SLC16A5: variants seen among roughly 807,000 people sequenced by gnomAD.
SLC16A5 encodes monocarboxylate transporter 6.
SLC16A5 carries 29 observed loss-of-function variants against 33.2 expected under a neutral mutation model. The observed-to-expected ratio is 0.87, with a 90% CI of 0.65 to 1.19. The LOEUF (loss-of-function observed/expected upper bound fraction) is 1.19, where lower values mean the gene tolerates loss of function less well. Ranked by LOEUF, SLC16A5 falls within the 50% of genes most tolerant of loss-of-function variation. SLC16A5 has a pLI of 0.00. For missense variants in SLC16A5, 606 were observed against 678.2 expected (o/e 0.89, Z 1.18); for synonymous variants, 248 against 284.1 (o/e 0.87, Z 1.28).
In SLC16A5 at chr17:75,100,473, G is replaced by T. The variant is rs772452657; in HGVS notation, c.810G>T (p.Glu270Asp). ...VPYAMWHSVD[E>D]QQAALLISII... is the part of the protein sequence containing the mutation. ...ATGCCATGTGGCACAGCGTGGACGA[G>T]CAGCAGGCAGCCCTCCTCATCTCCA... is the stretch of plus-strand genomic sequence containing the variant. The change falls in exon 5 of 7, where the codon GAG (glutamate) becomes GAT (aspartate). Residue 270 changes from glutamate to aspartate, a missense_variant. Physicochemically the swap from Glu to Asp is conservative, Grantham distance 45. Coordinates refer to ENST00000329783, the MANE Select transcript of SLC16A5 (RefSeq NM_004695.4). 5 of 1,614,220 alleles carry T rather than the reference G, an allele frequency of 3.1e-6. No homozygotes were observed. The highest frequency in any genetic ancestry group is 3.3e-5 in the Admixed American group (2 of 60,022).
At chr17:75,102,847 C>T (rs2073817201) in intron 5 of SLC16A5, among the ~76,000 whole-genome samples, 2 of 151,976 alleles carry the variant, frequency 1.3e-5, no homozygotes, top group Admixed American at 1.3e-4. Flanking sequence ...ATTTTCCTGC[C>T]TCCTCTTCCC....
At chr17:75,096,326 G>A (rs2073717478) in intron 3 of SLC16A5, among the ~76,000 whole-genome samples, 1 of 151,044 alleles carries the variant, frequency 6.6e-6, no homozygotes, top group African/African-American at 2.5e-5. Flanking sequence ...CTGCAGCCCA[G>A]TCCCCACCCC....
At chr17:75,101,025 G>C (rs1430884389) in intron 5 of SLC16A5, among the ~76,000 whole-genome samples, 1 of 152,088 alleles carries the variant, frequency 6.6e-6, no homozygotes, top group Non-Finnish European at 1.5e-5. Flanking sequence ...GGGGCGGGCA[G>C]ATCATGAGGT....
chr17:75,103,037 C>T (rs1330445402), intron 5 of SLC16A5, among the ~76,000 whole-genome samples: 7 of 152,080 alleles, frequency 4.6e-5, no homozygotes, highest in African/African-American at 9.7e-5. Context: ...ACTACAGGTG[C>T]GTGCCACCAC....
In SLC16A5 at chr17:75,100,723, A is replaced by G. The variant is rs1271337016; in HGVS notation, c.1060A>G (p.Met354Val). 1.9e-6 allele frequency: 3 copies of G among 1,614,004 alleles called. No individual in the cohort carries two copies. The highest frequency in any genetic ancestry group is 2.5e-6 in the Non-Finnish European group (3 of 1,179,920). The change falls in exon 5 of 7, where the codon ATG becomes GTG. Residue 354 changes from methionine (M) to valine (V), a missense_variant. By Grantham distance (21) the Met-to-Val change is conservative. Coordinates refer to ENST00000329783, the MANE Select transcript of SLC16A5 (RefSeq NM_004695.4). ...GIGALIFQVL[M>V]DIVPMDQFPR... is the part of the protein sequence containing the mutation. ...CGGCGCCCTCATCTTCCAGGTTCTC[A>G]TGGACATCGTCCCCATGGATCAGTT...
Position 75,095,252 on chromosome 17 carries a change from G to A in SLC16A5, c.199+1417G>A, listed in dbSNP as rs1432875692. On this transcript the variant is annotated intron_variant, in intron 3 of 6. Coordinates refer to ENST00000329783, the MANE Select transcript of SLC16A5 (RefSeq NM_004695.4). ...CTCTGGCCTGCAGGGTTGGGGCAGGGAGTGGGAATCCCAGAGGGCTGCTTC... is the reference window on the plus strand; with the variant it reads ...CTCTGGCCTGCAGGGTTGGGGCAGGAAGTGGGAATCCCAGAGGGCTGCTTC... 1.4e-4 allele frequency among the ~76,000 whole-genome samples: 22 copies of A among 152,316 alleles called. 1 individual carries two copies. The highest frequency in any genetic ancestry group is 3.4e-3 in the Middle Eastern group (1 of 294).
Position 75,100,365 on chromosome 17 carries a change from C to A in SLC16A5, c.702C>A (p.His234Gln). Residue 234 changes from histidine (H) to glutamine (Q), a missense_variant, in exon 5 of 7, where the codon CAC (histidine) becomes CAA (glutamine). Coordinates refer to ENST00000329783, the MANE Select transcript of SLC16A5 (RefSeq NM_004695.4). Reference sequence around the variant, plus strand: ...ACCTGGCCTTCGACATCCTGCGGCACAACACAGGCTACTGCGTGTACATAC... The same window carrying A: ...ACCTGGCCTTCGACATCCTGCGGCAAAACACAGGCTACTGCGTGTACATAC... ...QRHLAFDILRHNTGYCVYILG... is the reference protein window; with the variant it reads ...QRHLAFDILRQNTGYCVYILG... 1 of 1,614,220 alleles carries A rather than the reference C, an allele frequency of 6.2e-7. No individual in the cohort carries two copies. The highest frequency in any genetic ancestry group is 8.5e-7 in the Non-Finnish European group (1 of 1,180,044).
At chr17:75,105,744 GGAGT>G (rs1181147449) in intron 6 of SLC16A5, 132 bp from the exon 7 acceptor site, 1 of 1,410,328 alleles carries the variant, frequency 7.1e-7, no homozygotes, top group Admixed American at 3.0e-5. Flanking sequence ...AAACAGAGCT[GGAGT>G]ACGTTTCCCC....
chr17:75,098,629 GTTT>G (rs2073750962), intron 4 of SLC16A5, among the ~76,000 whole-genome samples: 1 of 152,138 alleles, frequency 6.6e-6, no homozygotes, highest in Non-Finnish European at 1.5e-5. Flanking sequence ...ACGGCATTTT[GTTT>G]TAAGGGGACT....
intron 4 of SLC16A5, 107 bp downstream of exon 4, chr17:75,098,288 T>G (rs1598151035): frequency 6.9e-7 from 1 of 1,448,926 alleles, no homozygotes; most frequent in South Asian, 1.2e-5. Flanking sequence ...GCTGGCTGGG[T>G]GCGGTGGCTC....
rs759812192 is a variant in SLC16A5, at chr17:75,100,444, C to A, written c.781C>A (p.Pro261Thr). 2 of 1,614,264 alleles carry A rather than the reference C, an allele frequency of 1.2e-6. No individual in the cohort carries two copies. Among genetic ancestry groups the A allele is most frequent in the Non-Finnish European group, 1.7e-6 (2 of 1,180,052 alleles). Residue 261 changes from proline to threonine, a missense_variant, in exon 5 of 7, where the codon CCA (proline) becomes ACA (threonine). Coordinates refer to ENST00000329783, the MANE Select transcript of SLC16A5 (RefSeq NM_004695.4). ...CCCACTGCCACAAGTCTTCCTGGTG[C>A]CATATGCCATGTGGCACAGCGTGGA... ...GFPLPQVFLV[P>T]YAMWHSVDEQ...
chr17:75,103,304 G>C (rs1318749872), intron 5 of SLC16A5, among the ~76,000 whole-genome samples: 2 of 150,692 alleles, frequency 1.3e-5, no homozygotes, highest in Non-Finnish European at 2.9e-5. Flanking sequence ...GATTACAGGC[G>C]TGAGCCACTG....
chr17:75,104,249 G>A (rs1205058224), intron 6 of SLC16A5, 69 bp downstream of exon 6: 1 of 1,572,642 alleles, frequency 6.4e-7, no homozygotes, highest in Admixed American at 1.9e-5. Flanking sequence ...GGATCACTGA[G>A]TGAACACTGT....
At chr17:75,104,258 G>T (rs916437310) in intron 6 of SLC16A5, 78 bp downstream of exon 6, 3 of 1,559,902 alleles carry the variant, frequency 1.9e-6, no homozygotes, top group Admixed American at 1.9e-5. Context: ...AGTGAACACT[G>T]TCTCAGCCCA....
rs1302470062 is a variant in SLC16A5 at position 75,100,133 on chromosome 17, T to C, written c.470T>C (p.Leu157Pro). ...TCCCTGGGCATCACCCTCTGGCCGC[T>C]GCTCTCCCGCTACCTTCTGGAGAAC... ...GVSLGITLWP[L>P]LSRYLLENLG... is the part of the protein sequence containing the mutation. Residue 157 changes from leucine (L) to proline (P), a missense_variant, in exon 5 of 7, where the codon CTG (leucine) becomes CCG (proline). Coordinates refer to ENST00000329783, the MANE Select transcript of SLC16A5 (RefSeq NM_004695.4). 6.2e-7 allele frequency: 1 copy of C among 1,614,180 alleles called. No individual in the cohort carries two copies. The highest frequency in any genetic ancestry group is 8.5e-7 in the Non-Finnish European group (1 of 1,180,012).
chr17:75,104,192 G>A lies in SLC16A5; in HGVS notation c.1364+12G>A, dbSNP rs1489106183. The A allele has an allele frequency of 6.2e-7, 1 of 1,613,386 alleles. No homozygotes were observed. Among genetic ancestry groups the A allele is most frequent in the Non-Finnish European group, 8.5e-7 (1 of 1,179,792 alleles). ...TCCCCTGAGATCATGTATGTAACCAGCGTCTAAGACCCAGGGTTCATCTGT... is the reference window on the plus strand; with the variant it reads ...TCCCCTGAGATCATGTATGTAACCAACGTCTAAGACCCAGGGTTCATCTGT... On this transcript the variant is annotated intron_variant, in intron 6 of 6. Coordinates refer to ENST00000329783, the MANE Select transcript of SLC16A5 (RefSeq NM_004695.4).
rs759276639 is a variant in SLC16A5 at position 75,100,651 on chromosome 17, G to A, written c.988G>A (p.Val330Met). The A allele has an allele frequency of 6.2e-7, 1 of 1,614,188 alleles. No individual in the cohort carries two copies. Among genetic ancestry groups the A allele is most frequent in the Non-Finnish European group, 8.5e-7 (1 of 1,180,036 alleles). Reference protein sequence around the residue: ...LVCAASGDFWVLVGYCLAYSV... With the variant: ...LVCAASGDFWMLVGYCLAYSV... ...GTGTGCGGCATCAGGTGACTTCTGG[G>A]TGCTCGTGGGCTACTGCCTGGCGTA... The change falls in exon 5 of 7, where the codon GTG becomes ATG. Residue 330 changes from valine (V) to methionine (M), a missense_variant. Coordinates refer to ENST00000329783, the MANE Select transcript of SLC16A5 (RefSeq NM_004695.4).
At chr17:75,096,574 A>G (rs1349734594) in intron 3 of SLC16A5, among the ~76,000 whole-genome samples, 1 of 145,146 alleles carries the variant, frequency 6.9e-6, no homozygotes, top group African/African-American at 2.6e-5. Context: ...TCTCTCACCC[A>G]GGCTGGAGTG....
At chr17:75,104,232 A>G (rs774835831) in intron 6 of SLC16A5, 52 bp downstream of exon 6, 2 of 1,593,444 alleles carry the variant, frequency 1.3e-6, no homozygotes, top group Non-Finnish European at 1.7e-6. Flanking sequence ...CCAGTGTCTG[A>G]GTCCTGGGAT....
Sources: allele counts gnomAD v4.1 joint callset (sites outside exome capture counted in the v4.1 genomes callset), GRCh38; gene constraint gnomAD v4.1.1; transcripts MANE v1.5; gene names NCBI Gene and HGNC (gene_info 2026-07-23, HGNC 2026-07-21).